The following TBC1D4 variants were observed in gnomAD, a reference collection of about 807,000 sequenced individuals.
TBC1D4 encodes TBC (Tre-2, BUB2, CDC16) domain-containing protein.
In TBC1D4, 121 loss-of-function variants were observed where a neutral mutation model predicts 142.5. The observed-to-expected ratio is 0.85, with a 90% CI of 0.73 to 0.99. The LOEUF (loss-of-function observed/expected upper bound fraction) is 0.99, where lower values mean the gene tolerates loss of function less well. TBC1D4 is among the 50% of genes least tolerant of loss of function. The pLI, the probability that TBC1D4 is intolerant of heterozygous loss-of-function variation, is 0.00. For synonymous variants in TBC1D4, 630 were observed against 628.2 expected, an observed-to-expected ratio of 1.00 and a Z score of -0.04; for missense variants, 1,475 against 1,606.6, an observed-to-expected ratio of 0.92 and a Z score of 1.40.
intron 14 of TBC1D4, 80 bp downstream of exon 14, chr13:75,309,862 T>C: frequency 1.4e-6 from 2 of 1,398,202 alleles, no homozygotes; most frequent in South Asian, 2.3e-5. Context: ...GCGGATAGTA[T>C]GTATGGGGAG....
intron 1 of TBC1D4, among the ~76,000 whole-genome samples, chr13:75,473,498 CCTAA>C (rs1413819263): frequency 3.3e-5 from 5 of 152,136 alleles, no homozygotes; most frequent in Non-Finnish European, 7.3e-5. Context: ...TTTCCATGGT[CCTAA>C]CTTAGAGAAT....
rs1402961477 is a variant in TBC1D4 at position 75,312,780 on chromosome 13, C to T, written c.2341G>A (p.Ala781Thr). ...SWRQRIFLRV[A>T]SPMNKSPSAM... Reference sequence around the variant, plus strand: ...GAGGGAGATTTGTTCATGGGAGAAGCAACCCTGAGGAAAATGCGCTGCCGC... The same window carrying T: ...GAGGGAGATTTGTTCATGGGAGAAGTAACCCTGAGGAAAATGCGCTGCCGC... The change falls in exon 13 of 21, where the codon GCT becomes ACT. Residue 781 changes from alanine (A) to threonine (T), a missense_variant. Coordinates refer to ENST00000377636, the MANE Select transcript of TBC1D4 (RefSeq NM_014832.5). 2 of 1,614,094 alleles carry T rather than the reference C, an allele frequency of 1.2e-6. No individual in the cohort carries two copies. The highest frequency in any genetic ancestry group is 1.7e-6 in the Non-Finnish European group (2 of 1,180,046).
intron 1 of TBC1D4, among the ~76,000 whole-genome samples, chr13:75,440,096 C>T (rs146075406): frequency 1.1e-3 from 169 of 151,586 alleles, no homozygotes; most frequent in African/African-American, 3.0e-3. Flanking sequence ...ATTAAAAAGA[C>T]GAATAATATA....
rs1236943358 is a variant in TBC1D4 at position 75,285,360 on chromosome 13, T to A, written c.*1432A>T. On this transcript the variant is annotated 3_prime_UTR_variant, in exon 21 of 21. Coordinates refer to ENST00000377636, the MANE Select transcript of TBC1D4 (RefSeq NM_014832.5). ...CTTTGAAGAAAATTACCCCAGATAA[T>A]CCATCTGTGAAAATACAAGTACTGC... is the stretch of plus-strand genomic sequence containing the variant. 1 of 152,136 alleles carries A rather than the reference T, an allele frequency of 6.6e-6. No homozygotes were observed. Among genetic ancestry groups the A allele is most frequent in the Non-Finnish European group, 1.5e-5 (1 of 68,018 alleles). 9.4% of individuals were successfully genotyped at this position (152,136 alleles called of 1,614,324 possible).
intron 7 of TBC1D4, among the ~76,000 whole-genome samples, chr13:75,339,740 A>AC (rs1466079700): frequency 8.1e-6 from 1 of 123,042 alleles, no homozygotes; most frequent in African/African-American, 2.7e-5. Context: ...CACACCGGCT[A>AC]ATTGTTTTTG....
In TBC1D4 at chr13:75,310,101, T is replaced by C. The variant is rs1270848428; in HGVS notation, c.2434A>G (p.Met812Val). Residue 812 changes from methionine to valine, a missense_variant, in exon 14 of 21, where the codon ATG becomes GTG. Physicochemically the swap from Met to Val is conservative, Grantham distance 21. Coordinates refer to ENST00000377636, the MANE Select transcript of TBC1D4 (RefSeq NM_014832.5). Reference sequence around the variant, plus strand: ...AATACAACCAGCGGTTCCTCCTCCATGGTTGGAGAGAGGGGGGACAGTGGC... The same window carrying C: ...AATACAACCAGCGGTTCCTCCTCCACGGTTGGAGAGAGGGGGGACAGTGGC... Reference protein sequence around the residue: ...LLPLSPLSPTMEEEPLVVFLS... With the variant: ...LLPLSPLSPTVEEEPLVVFLS... The C allele has an allele frequency of 6.8e-6, 11 of 1,613,930 alleles. No homozygotes were observed. In the Admixed American group the frequency reaches 1.7e-4, roughly 24 times the overall value.
Position 75,426,242 on chromosome 13 carries a change from C to G in TBC1D4, c.498+55028G>C, listed in dbSNP as rs747274268. Among the ~76,000 whole-genome samples, 21 of 152,258 alleles carry G rather than the reference C, an allele frequency of 1.4e-4. No individual in the cohort carries two copies. In the South Asian group the frequency reaches 1.7e-3, roughly 12 times the overall value. ...AAAGCAAAATACAATGAGATACCAC[C>G]TCACTCCTCTTAGGAAGCCTATTAC... On this transcript the variant is annotated intron_variant, in intron 1 of 20. Transcript: ENST00000377636.
At position 75,336,984 on chromosome 13, in the gene TBC1D4, A is replaced by G. The variant is rs944629246; in HGVS notation, c.1668T>C (p.Leu556=). 1.2e-6 allele frequency: 2 copies of G among 1,613,422 alleles called. No homozygotes were observed. The highest frequency in any genetic ancestry group is 2.7e-5 in the African/African-American group (2 of 74,896). ...TCTTAGCTTTATTTTTCAGAATGTC[A>G]AGTTTGAACCTTCCACTGCTTGTTG... ...ENATSSGRFK[L]DILKNKAKRS... The change falls in exon 8 of 21, where the codon CTT becomes CTC. Residue 556 remains leucine, a synonymous_variant. Coordinates refer to ENST00000377636, the MANE Select transcript of TBC1D4 (RefSeq NM_014832.5).
At chr13:75,314,158 C>T (rs1024652116) in intron 12 of TBC1D4, among the ~76,000 whole-genome samples, 4 of 152,176 alleles carry the variant, frequency 2.6e-5, no homozygotes, top group Admixed American at 2.6e-4. Flanking sequence ...GCTGGAAGAC[C>T]TCACAATAAT....
chr13:75,413,827 T>A (rs1191977213), intron 1 of TBC1D4, among the ~76,000 whole-genome samples: 2 of 152,190 alleles, frequency 1.3e-5, no homozygotes, highest in African/African-American at 4.8e-5. Context: ...GTGTTTGCAT[T>A]TCTGGAGCCC....
At chr13:75,327,180 G>A (rs570871187) in intron 9 of TBC1D4, among the ~76,000 whole-genome samples, 11 of 152,134 alleles carry the variant, frequency 7.2e-5, no homozygotes, top group African/African-American at 2.6e-4. Context: ...GATAAACATG[G>A]GTTAGTGATA....
At chr13:75,384,082 AC>A (rs1884023752) in intron 1 of TBC1D4, among the ~76,000 whole-genome samples, 1 of 111,922 alleles carries the variant, frequency 8.9e-6, no homozygotes, top group Non-Finnish European at 1.9e-5. Flanking sequence ...GTACCCTAAA[AC>A]TTAAAGTATA....
chr13:75,355,778 T>C (rs1422858326), intron 4 of TBC1D4, among the ~76,000 whole-genome samples: 2 of 152,228 alleles, frequency 1.3e-5, no homozygotes, highest in East Asian at 3.8e-4. Context: ...ATATAAGCAT[T>C]ATCTACTCTG....
rs2297206 is a variant in TBC1D4, at chr13:75,327,613, G to T, written c.1806+139C>A. Reference sequence around the variant, plus strand: ...CATGCTAATGCCTAGAATCTTCTTAGTTAAAATAATAAAGTCTCAAATATT... The same window carrying T: ...CATGCTAATGCCTAGAATCTTCTTATTTAAAATAATAAAGTCTCAAATATT... On this transcript the variant is annotated intron_variant, in intron 9 of 20. Coordinates refer to ENST00000377636, the MANE Select transcript of TBC1D4 (RefSeq NM_014832.5). 699,669 of 832,604 alleles carry T rather than the reference G, an allele frequency of 0.84. 299,983 individuals carry two copies. Among genetic ancestry groups the T allele is most frequent in the South Asian group, 0.95 (59,837 of 63,002 alleles). The allele number at this position is 832,604 out of a possible 1,614,324, so 51.6% of individuals were successfully genotyped here. A position where few individuals can be genotyped will look rare whatever the true frequency, so the allele number is the denominator to read the frequency against.
intron 1 of TBC1D4, among the ~76,000 whole-genome samples, chr13:75,430,222 A>T (rs1886540469): frequency 1.3e-5 from 2 of 152,250 alleles, no homozygotes; most frequent in Non-Finnish European, 2.9e-5. Context: ...TTTACTCTAT[A>T]ATCTTGATAG....
chr13:75,337,064 T>G (rs377312912), intron 7 of TBC1D4, 24 bp from the exon 8 acceptor site: 42 of 1,605,304 alleles, frequency 2.6e-5, no homozygotes, highest in Non-Finnish European at 3.2e-5. Context: ...AACAGATACA[T>G]TTTAGTTTGG....
intron 7 of TBC1D4, among the ~76,000 whole-genome samples, 167 bp from the exon 8 acceptor site, chr13:75,337,207 A>G (rs1880300141): frequency 6.6e-6 from 1 of 152,212 alleles, no homozygotes; most frequent in African/African-American, 2.4e-5. Context: ...GCTTATAAGG[A>G]AAGGGGTTTA....
intron 1 of TBC1D4, among the ~76,000 whole-genome samples, chr13:75,463,643 A>G (rs7988372): frequency 0.51 from 77,097 of 152,110 alleles, 22,397 homozygotes; most frequent in South Asian, 0.68. Context: ...ATTGGTGAAA[A>G]TGATTGCCAA....
At chr13:75,465,158 G>A (rs775098641) in intron 1 of TBC1D4, among the ~76,000 whole-genome samples, 1 of 152,154 alleles carries the variant, frequency 6.6e-6, no homozygotes, top group Non-Finnish European at 1.5e-5. Flanking sequence ...CTTGCGCAGG[G>A]CCGTAAGTGG....
Sources: allele counts gnomAD v4.1 joint callset (sites outside exome capture counted in the v4.1 genomes callset), GRCh38; gene constraint gnomAD v4.1.1; transcripts MANE v1.5; gene names NCBI Gene and HGNC (gene_info 2026-07-23, HGNC 2026-07-21).